The following PRRG4 variants were observed in gnomAD, a reference collection of about 807,000 sequenced individuals.
The protein encoded by PRRG4 is proline rich and Gla domain 4, also known as transmembrane gamma-carboxyglutamic acid protein 4.
In PRRG4, 12 loss-of-function variants were observed where a neutral mutation model predicts 20.0. That is an observed-to-expected ratio of 0.60 (90% CI 0.38 to 0.97). PRRG4 has a LOEUF of 0.97. Ranked by LOEUF, PRRG4 falls within the 50% of genes least tolerant of loss-of-function variation. The pLI is 0.00. For synonymous variants in PRRG4, 94 were observed against 96.4 expected (o/e 0.98, Z 0.15); for missense variants, 199 against 265.1 (o/e 0.75, Z 1.73).
chr11:32,830,452 T>G, intron 1 of PRRG4, 56 bp from the exon 2 acceptor site: 1 of 1,268,062 alleles, frequency 7.9e-7, no homozygotes, highest in Non-Finnish European at 1.0e-6. Flanking sequence ...CGACAGAAAC[T>G]CAAAGTGCTG....
In PRRG4 at chr11:32,853,817, G is replaced by T; in HGVS notation, c.*290G>T. The T allele has an allele frequency of 4.5e-6, 1 of 221,066 alleles. No homozygotes were observed. Among genetic ancestry groups the T allele is most frequent in the Non-Finnish European group, 8.9e-6 (1 of 112,350 alleles). 13.7% of individuals were successfully genotyped at this position (221,066 alleles called of 1,614,324 possible). A position where few individuals can be genotyped will look rare whatever the true frequency, so the allele number is the denominator to read the frequency against. Reference sequence around the variant, plus strand: ...CATTCCAGCCTGGGCGACAGAGCAAGACTCCATCTCAAAAATAAAATAAAA... The same window carrying T: ...CATTCCAGCCTGGGCGACAGAGCAATACTCCATCTCAAAAATAAAATAAAA... On this transcript the variant is annotated 3_prime_UTR_variant, in exon 6 of 6. Transcript: ENST00000257836.
At chr11:32,838,765 G>C (rs1212982376) in intron 3 of PRRG4, 117 bp from the exon 4 acceptor site, 1 of 687,478 alleles carries the variant, frequency 1.5e-6, no homozygotes, top group African/African-American at 1.8e-5. Context: ...GAATGAACTG[G>C]TCTCCTACCT....
Position 32,840,248 on chromosome 11 carries a change from T to C in PRRG4, c.449+9T>C. 2 of 1,565,476 alleles carry C rather than the reference T, an allele frequency of 1.3e-6. No homozygotes were observed. The highest frequency in any genetic ancestry group is 2.3e-5 in the South Asian group (2 of 87,118). On this transcript the variant is annotated intron_variant, in intron 5 of 5. Transcript: ENST00000257836. This position sits in a 1 kb window ranked among gnomAD's most constrained non-coding sequence, Gnocchi z 4.1. ...AGGCTACAACATCCATGGTAAGTAC[T>C]AAGTGAAATTATTTAATTCATCACT...
rs980356259 is a variant in PRRG4 at position 32,857,680 on chromosome 11, A to G, written c.*4153A>G. On this transcript the variant is annotated 3_prime_UTR_variant, in exon 6 of 6. Transcript: ENST00000257836. ...TTTGTCAGTGCTTAACAAAAACTCA[A>G]TTTCACATTACTCATATTGTTTTTG... 6.6e-6 allele frequency: 1 copy of G among 152,216 alleles called. No homozygotes were observed. Among genetic ancestry groups the G allele is most frequent in the African/African-American group, 2.4e-5 (1 of 41,464 alleles). 9.4% of individuals were successfully genotyped at this position (152,216 alleles called of 1,614,324 possible). A position where few individuals can be genotyped will look rare whatever the true frequency, so the allele number is the denominator to read the frequency against.
At position 32,836,711 on chromosome 11, in the gene PRRG4, AATAG is replaced by A; in HGVS notation, c.160_163del (p.Arg54LeufsTer11). 1 of 1,610,030 alleles carries A rather than the reference AATAG, an allele frequency of 6.2e-7. No homozygotes were observed. Among genetic ancestry groups the A allele is most frequent in the Non-Finnish European group, 8.5e-7 (1 of 1,176,410 alleles). ...TTTCATACATAGACGCCTTCTGTAT[AATAG>A]ATTTGATCTGGAGCTCTTCACTCCC... On this transcript the variant is annotated frameshift_variant, in exon 3 of 6. Transcript: ENST00000257836. LOFTEE classifies it high-confidence loss of function.
rs1851227136 is a variant in PRRG4, at chr11:32,856,289, C to G, written c.*2762C>G. On this transcript the variant is annotated 3_prime_UTR_variant, in exon 6 of 6. Transcript: ENST00000257836. Reference sequence around the variant, plus strand: ...CCAAGCAGCTGCCTAGATTTGTCTACTGCTATCATTTTGTGTAAAGCAGTT... The same window carrying G: ...CCAAGCAGCTGCCTAGATTTGTCTAGTGCTATCATTTTGTGTAAAGCAGTT... 1 of 152,310 alleles carries G rather than the reference C, an allele frequency of 6.6e-6. No individual in the cohort carries two copies. The highest frequency in any genetic ancestry group is 2.4e-5 in the African/African-American group (1 of 41,580). 9.4% of individuals were successfully genotyped at this position (152,310 alleles called of 1,614,324 possible).
At chr11:32,843,759 A>G (rs1408259079) in intron 5 of PRRG4, among the ~76,000 whole-genome samples, 2 of 151,484 alleles carry the variant, frequency 1.3e-5, no homozygotes, top group African/African-American at 4.8e-5. Flanking sequence ...TGCAACAGTG[A>G]AGTTCTGTGC....
intron 2 of PRRG4, among the ~76,000 whole-genome samples, chr11:32,835,215 A>C (rs1565113093): frequency 1.3e-5 from 2 of 152,248 alleles, no homozygotes; most frequent in East Asian, 3.8e-4. Flanking sequence ...TCATTTGTGG[A>C]AAAAATATCT....
intron 2 of PRRG4, among the ~76,000 whole-genome samples, chr11:32,831,396 C>T (rs1437244152): frequency 6.6e-6 from 1 of 152,150 alleles, no homozygotes; most frequent in East Asian, 1.9e-4. Context: ...TCATCAGATC[C>T]GATTCTCAGC....
chr11:32,839,012 G>C, intron 4 of PRRG4, 82 bp downstream of exon 4: 1 of 1,041,808 alleles, frequency 9.6e-7, no homozygotes, highest in South Asian at 1.3e-5. Flanking sequence ...GTTTGAGTTT[G>C]GTTGTTGCGC....
At chr11:32,838,601 A>G (rs867534819) in intron 3 of PRRG4, among the ~76,000 whole-genome samples, 3 of 152,106 alleles carry the variant, frequency 2.0e-5, no homozygotes, top group Admixed American at 6.5e-5. Context: ...ATTTCCCCCA[A>G]TGCTTTAGTG....
chr11:32,830,524 C>T lies in PRRG4; in HGVS notation c.-6C>T, dbSNP rs1471178494. 1.3e-6 allele frequency: 2 copies of T among 1,555,234 alleles called. No homozygotes were observed. The highest frequency in any genetic ancestry group is 8.6e-7 in the Non-Finnish European group (1 of 1,158,304). ...TTGTTTTAGTTTGTTTGACAGTTGC[C>T]AGACTATGTTTACGCTTCTGGTTCT... On this transcript the variant is annotated 5_prime_UTR_variant, in exon 2 of 6. Coordinates refer to ENST00000257836, the MANE Select transcript of PRRG4 (RefSeq NM_024081.6).
At chr11:32,843,338 T>C (rs1273865656) in intron 5 of PRRG4, among the ~76,000 whole-genome samples, 1 of 152,070 alleles carries the variant, frequency 6.6e-6, no homozygotes. Context: ...AAAGGTATAA[T>C]ATAAAAAATG....
intron 2 of PRRG4, among the ~76,000 whole-genome samples, chr11:32,833,507 T>G (rs1178477370): frequency 6.6e-6 from 1 of 152,174 alleles, no homozygotes; most frequent in Non-Finnish European, 1.5e-5. Flanking sequence ...TTGAGAAGTA[T>G]ACAGAGGCAG....
chr11:32,830,788 A>G (rs2133434353), intron 2 of PRRG4, among the ~76,000 whole-genome samples, 156 bp downstream of exon 2: 1 of 152,272 alleles, frequency 6.6e-6, no homozygotes, highest in African/African-American at 2.4e-5. Context: ...GTGTTTTTTT[A>G]TGTTCTTTAA....
Position 32,856,328 on chromosome 11 carries a change from T to C in PRRG4, c.*2801T>C, listed in dbSNP as rs535755032. 1 of 152,188 alleles carries C rather than the reference T, an allele frequency of 6.6e-6. No individual in the cohort carries two copies. Among genetic ancestry groups the C allele is most frequent in the Non-Finnish European group, 1.5e-5 (1 of 68,034 alleles). The allele number at this position is 152,188 out of a possible 1,614,324, so 9.4% of individuals were successfully genotyped here. On this transcript the variant is annotated 3_prime_UTR_variant, in exon 6 of 6. Transcript: ENST00000257836. ...TGTAAAGCAGTTGCTCTAACTTGAA[T>C]GAGTCTAGAATTCATCATTAAGATT... is the stretch of plus-strand genomic sequence containing the variant.
At chr11:32,831,365 A>T (rs1461785903) in intron 2 of PRRG4, among the ~76,000 whole-genome samples, 1 of 152,138 alleles carries the variant, frequency 6.6e-6, no homozygotes, top group Non-Finnish European at 1.5e-5. Flanking sequence ...GTCCCCACAC[A>T]TTCCTGTCTC....
chr11:32,847,716 A>G (rs1039455402), intron 5 of PRRG4, among the ~76,000 whole-genome samples: 15 of 152,244 alleles, frequency 9.9e-5, no homozygotes, highest in African/African-American at 3.6e-4. Context: ...TAGTAGCATT[A>G]TTCAAATAAC....
rs1483428345 is a variant in PRRG4 at position 32,855,420 on chromosome 11, CT to C, written c.*1895del. ...TACATTTTCTTATCATTTAGGATCA[CT>C]TATAAAATGATCATTGTTTATTTTG... On this transcript the variant is annotated 3_prime_UTR_variant, in exon 6 of 6. Transcript: ENST00000257836. The C allele has an allele frequency of 2.0e-5, 3 of 152,102 alleles. No individual in the cohort carries two copies. Among genetic ancestry groups the C allele is most frequent in the African/African-American group, 7.2e-5 (3 of 41,404 alleles). 9.4% of individuals were successfully genotyped at this position (152,102 alleles called of 1,614,324 possible).
Sources: allele counts gnomAD v4.1 joint callset (sites outside exome capture counted in the v4.1 genomes callset), GRCh38; gene constraint gnomAD v4.1.1; non-coding constraint Gnocchi (gnomAD v3.1); transcripts MANE v1.5; gene names NCBI Gene and HGNC (gene_info 2026-07-23, HGNC 2026-07-21).